The following CNTN5 variants were observed in gnomAD, a reference collection of about 807,000 sequenced individuals.
The protein encoded by CNTN5 is contactin 5, also known as contactin-5.
A neutral mutation model predicts 129.1 loss-of-function variants in CNTN5; 77 were observed. The ratio of observed to expected loss-of-function variants is 0.60; its 90% CI spans 0.50 to 0.72. The LOEUF is 0.72. Among genes scored for constraint, CNTN5 ranks in the 30% least tolerant of loss-of-function variants. The pLI is 0.00. For missense variants in CNTN5, 1,478 were observed against 1,328.8 expected, an observed-to-expected ratio of 1.11 and a Z score of -1.75; for synonymous variants, 509 against 465.6, an observed-to-expected ratio of 1.09 and a Z score of -1.20.
At chr11:99,518,807 T>C (rs1172417201) in intron 2 of CNTN5, among the ~76,000 whole-genome samples, 1 of 152,050 alleles carries the variant, frequency 6.6e-6, no homozygotes, top group Non-Finnish European at 1.5e-5. Flanking sequence ...ATAATGTCTC[T>C]TAAAACTTTT....
intron 4 of CNTN5, among the ~76,000 whole-genome samples, chr11:99,823,932 C>T (rs903429365): frequency 6.6e-6 from 1 of 152,024 alleles, no homozygotes; most frequent in African/African-American, 2.4e-5. Context: ...GTATATCAGT[C>T]ATGATCCACC....
intron 2 of CNTN5, among the ~76,000 whole-genome samples, chr11:99,533,035 C>T (rs1947772778): frequency 6.6e-6 from 1 of 152,138 alleles, no homozygotes; most frequent in South Asian, 2.1e-4. Context: ...CCAGCCTGGC[C>T]AACATGGCAA....
At chr11:99,781,063 T>C (rs2135386603) in intron 3 of CNTN5, among the ~76,000 whole-genome samples, 1 of 152,198 alleles carries the variant, frequency 6.6e-6, no homozygotes, top group South Asian at 2.1e-4. Flanking sequence ...TCCTGCAAAT[T>C]CCAAATTTAG....
chr11:99,504,318 A>T (rs1312033338), intron 2 of CNTN5, among the ~76,000 whole-genome samples: 1 of 152,076 alleles, frequency 6.6e-6, no homozygotes, highest in Admixed American at 6.5e-5. Context: ...TGAGGTGGGC[A>T]CATCATGAGG....
chr11:100,192,741 A>G (rs1249267681), intron 14 of CNTN5, among the ~76,000 whole-genome samples: 1 of 152,046 alleles, frequency 6.6e-6, no homozygotes, highest in Non-Finnish European at 1.5e-5. Context: ...ATTGGTTCAA[A>G]GTTGCTCTAA....
At chr11:99,916,268 A>G (rs1219448469) in intron 7 of CNTN5, 119 bp downstream of exon 7, 9 of 698,492 alleles carry the variant, frequency 1.3e-5, no homozygotes, top group Non-Finnish European at 1.7e-5. Flanking sequence ...TTTTCTTGAC[A>G]TCTATCAGAG....
At chr11:99,601,110 G>A (rs1350741125) in intron 3 of CNTN5, among the ~76,000 whole-genome samples, 1 of 152,118 alleles carries the variant, frequency 6.6e-6, no homozygotes, top group Non-Finnish European at 1.5e-5. Flanking sequence ...CACTTGGAAG[G>A]TTTTTAATAA....
At chr11:99,391,518 C>T (rs1024232686) in intron 2 of CNTN5, among the ~76,000 whole-genome samples, 1 of 152,068 alleles carries the variant, frequency 6.6e-6, no homozygotes, top group Non-Finnish European at 1.5e-5. Flanking sequence ...CACAAGCTTT[C>T]GCTAAGATAT....
At chr11:99,753,987 CA>C (rs202219500) in intron 3 of CNTN5, among the ~76,000 whole-genome samples, 35,111 of 124,934 alleles carry the variant, frequency 0.28, 4,654 homozygotes, top group Middle Eastern at 0.35. Flanking sequence ...GGCACCCTGC[CA>C]AAAAAAAAAA....
In CNTN5 at chr11:99,999,862, A is replaced by G. The variant is rs185436093; in HGVS notation, c.878-2172A>G. 2.6e-3 allele frequency among the ~76,000 whole-genome samples: 401 copies of G among 152,222 alleles called. 4 individuals are homozygous for G. Among genetic ancestry groups the G allele is most frequent in the African/African-American group, 9.4e-3 (391 of 41,526 alleles). Reference sequence around the variant, plus strand: ...ATGAGTTCATGTCCTTTGTAGGGACATGGATGAAATTGGAAATCATCATTC... The same window carrying G: ...ATGAGTTCATGTCCTTTGTAGGGACGTGGATGAAATTGGAAATCATCATTC... On this transcript the variant is annotated intron_variant, in intron 8 of 24. Transcript: ENST00000524871.
intron 1 of CNTN5, among the ~76,000 whole-genome samples, chr11:99,269,556 AT>A (rs1006977988): frequency 6.6e-6 from 1 of 151,832 alleles, no homozygotes; most frequent in African/African-American, 2.4e-5. Flanking sequence ...CAAGGCAAGT[AT>A]TTTTTAAACC....
intron 3 of CNTN5, among the ~76,000 whole-genome samples, chr11:99,751,660 C>G (rs998458388): frequency 3.3e-5 from 5 of 152,142 alleles, no homozygotes; most frequent in Admixed American, 2.0e-4. Context: ...GTTATTTGCT[C>G]TGTAATAATA....
At chr11:100,230,678 C>G (rs1397994738) in intron 16 of CNTN5, among the ~76,000 whole-genome samples, 1 of 152,146 alleles carries the variant, frequency 6.6e-6, no homozygotes, top group Non-Finnish European at 1.5e-5. Context: ...AACTAAATCT[C>G]TTGTATTTTA....
intron 6 of CNTN5, among the ~76,000 whole-genome samples, chr11:99,900,534 C>G (rs943887597): frequency 1.3e-5 from 2 of 149,816 alleles, no homozygotes; most frequent in Non-Finnish European, 2.9e-5. Context: ...TACATTTCTA[C>G]TTTCATTCAT....
At chr11:99,981,691 A>G (rs1422080472) in intron 8 of CNTN5, among the ~76,000 whole-genome samples, 1 of 152,206 alleles carries the variant, frequency 6.6e-6, no homozygotes, top group Non-Finnish European at 1.5e-5. Context: ...TGAAAATCCT[A>G]GAAGTTTTGT....
At chr11:100,037,070 GT>G (rs1284712377) in intron 9 of CNTN5, among the ~76,000 whole-genome samples, 5 of 152,170 alleles carry the variant, frequency 3.3e-5, no homozygotes, top group African/African-American at 1.2e-4. Flanking sequence ...AATGCTTCCA[GT>G]TTTTGCCCAT....
At chr11:99,118,541 T>G (rs1858149854) in intron 1 of CNTN5, among the ~76,000 whole-genome samples, 1 of 152,088 alleles carries the variant, frequency 6.6e-6, no homozygotes, top group South Asian at 2.1e-4. Flanking sequence ...CTTGAATTTG[T>G]GCATACAGTG....
intron 6 of CNTN5, 32 bp downstream of exon 6, chr11:99,845,294 T>G: frequency 7.0e-7 from 1 of 1,429,328 alleles, no homozygotes; most frequent in Non-Finnish European, 9.7e-7. Flanking sequence ...TCTATATATA[T>G]GTATATAGTG....
At chr11:100,322,916 A>C (rs951035152) in intron 21 of CNTN5, among the ~76,000 whole-genome samples, 21 of 152,316 alleles carry the variant, frequency 1.4e-4, no homozygotes, top group African/African-American at 3.4e-4. Flanking sequence ...CACTTACCTT[A>C]ATCTATTATG....
Sources: gnomAD v4.1 joint callset for allele counts (sites outside exome capture counted in the v4.1 genomes callset) on GRCh38, gnomAD v4.1.1 for gene constraint, MANE v1.5 for transcripts, NCBI Gene and HGNC (gene_info 2026-07-23, HGNC 2026-07-21) for gene names.